Variants in DAB1 observed in about 807,000 individuals in gnomAD.
The protein encoded by DAB1 is disabled homolog 1.
Under a neutral mutation model 64.6 loss-of-function variants are expected in DAB1, and 15 were observed. The observed-to-expected ratio is 0.23, with a 90% CI of 0.16 to 0.36. DAB1 has a LOEUF of 0.36. Ranked by LOEUF, DAB1 falls within the 10% of genes least tolerant of loss-of-function variation. The probability of loss-of-function intolerance (pLI) is 1.00; values close to 1 mark genes in which losing one functional copy is unlikely to be tolerated. For synonymous variants in DAB1, 235 were observed against 251.9 expected (o/e 0.93, Z 0.64); for missense variants, 596 against 706.7 (o/e 0.84, Z 1.78).
intron 5 of DAB1, among the ~76,000 whole-genome samples, chr1:57,897,298 T>C (rs1398986553): frequency 1.3e-5 from 2 of 152,186 alleles, no homozygotes; most frequent in East Asian, 1.9e-4. Flanking sequence ...TGGGAAAATG[T>C]TTAATTATTT....
intron 6 of DAB1, among the ~76,000 whole-genome samples, chr1:57,673,025 C>T (rs1646526197): frequency 6.6e-6 from 1 of 152,088 alleles, no homozygotes. Flanking sequence ...GCTGCTTTAA[C>T]AAAATACCAT....
At chr1:58,038,425 A>AAGGAGAATGGCGTGAACCCG (rs1557621254) in intron 5 of DAB1, among the ~76,000 whole-genome samples, 3 of 152,204 alleles carry the variant, frequency 2.0e-5, no homozygotes, top group African/African-American at 7.2e-5. Flanking sequence ...ACAAACCTGT[A>AAGGAGAATGGCGTGAACCCG]GTACTATCTT....
At chr1:58,007,105 C>T (rs934123438) in intron 5 of DAB1, among the ~76,000 whole-genome samples, 2 of 152,196 alleles carry the variant, frequency 1.3e-5, no homozygotes, top group African/African-American at 4.8e-5. Flanking sequence ...CTGCTGCCCA[C>T]AATTCAAGCG....
intron 7 of DAB1, among the ~76,000 whole-genome samples, chr1:57,606,530 T>A (rs1645644221): frequency 8.5e-6 from 1 of 118,006 alleles, no homozygotes; most frequent in Non-Finnish European, 1.7e-5. Flanking sequence ...TAATATATAA[T>A]ATATATGAAA....
chr1:57,184,281 A>C (rs1046744295), intron 2 of DAB1, among the ~76,000 whole-genome samples: 2 of 152,200 alleles, frequency 1.3e-5, no homozygotes, highest in Admixed American at 1.3e-4. Context: ...GATTCAGGTC[A>C]AAGTGTATAA....
intron 7 of DAB1, among the ~76,000 whole-genome samples, chr1:57,486,265 C>G (rs1301828963): frequency 6.6e-6 from 1 of 152,192 alleles, no homozygotes. Context: ...AGCTTTGGTT[C>G]GGTCTATTTT....
chr1:57,428,254 T>A (rs538696365), upstream of DAB1, among the ~76,000 whole-genome samples: 2 of 152,274 alleles, frequency 1.3e-5, no homozygotes, highest in South Asian at 4.1e-4. Flanking sequence ...ATACATTAGA[T>A]CTCCAGAACT....
chr1:57,312,962 C>T (rs1241744408), intron 1 of DAB1, among the ~76,000 whole-genome samples: 1 of 152,118 alleles, frequency 6.6e-6, no homozygotes, highest in Non-Finnish European at 1.5e-5. Flanking sequence ...CACGGCAGCG[C>T]TTGCTCTCAT....
chr1:58,104,108 C>T (rs751602971), intron 5 of DAB1, among the ~76,000 whole-genome samples: 1 of 152,164 alleles, frequency 6.6e-6, no homozygotes, highest in Non-Finnish European at 1.5e-5. Context: ...GAAACCTGTC[C>T]CTGTTTCATC....
intron 5 of DAB1, among the ~76,000 whole-genome samples, chr1:57,942,922 T>C (rs573652408): frequency 1.2e-4 from 19 of 152,356 alleles, no homozygotes; most frequent in African/African-American, 4.6e-4. Flanking sequence ...AGTTATGGCC[T>C]ATTAATTAAT....
At chr1:57,118,300 A>G (rs575022648) in intron 4 of DAB1, among the ~76,000 whole-genome samples, 2 of 152,200 alleles carry the variant, frequency 1.3e-5, no homozygotes, top group African/African-American at 4.8e-5. Context: ...TGAAAGGAAA[A>G]GGAAGTATAG....
At chr1:57,667,148 T>C (rs912891718) in intron 6 of DAB1, among the ~76,000 whole-genome samples, 5 of 152,186 alleles carry the variant, frequency 3.3e-5, no homozygotes, top group Non-Finnish European at 1.5e-5. Flanking sequence ...AACAAATTCT[T>C]CCAGATAGTG....
At chr1:58,324,003 AAG>A (rs1471933419) in intron 4 of DAB1, among the ~76,000 whole-genome samples, 4 of 152,050 alleles carry the variant, frequency 2.6e-5, no homozygotes, top group Non-Finnish European at 1.5e-5. Context: ...AACAAGGAAA[AAG>A]AGTTACATTT....
intron 7 of DAB1, among the ~76,000 whole-genome samples, chr1:57,617,634 G>A (rs974061639): frequency 6.6e-6 from 1 of 152,100 alleles, no homozygotes; most frequent in African/African-American, 2.4e-5. Context: ...GACAAACCCT[G>A]AGCTAGAAGA....
At chr1:57,934,192 G>A (rs996287640) in intron 5 of DAB1, among the ~76,000 whole-genome samples, 8 of 151,872 alleles carry the variant, frequency 5.3e-5, no homozygotes, top group African/African-American at 1.9e-4. Flanking sequence ...CCCAAAGTGC[G>A]GGATTACAGG....
intron 1 of DAB1, among the ~76,000 whole-genome samples, chr1:57,322,014 T>C (rs144694481): frequency 1.3e-5 from 2 of 152,180 alleles, no homozygotes; most frequent in Admixed American, 6.5e-5. Flanking sequence ...GTCTTTCCGA[T>C]GTTGAGCCAA....
At chr1:58,257,417 C>T (rs72910488) in intron 4 of DAB1, among the ~76,000 whole-genome samples, 3,327 of 152,256 alleles carry the variant, frequency 0.022, 134 homozygotes, top group African/African-American at 0.076. Context: ...GGGTGTGGGG[C>T]TATGACTGCA....
intron 2 of DAB1, among the ~76,000 whole-genome samples, chr1:57,205,646 G>T (rs1156278107): frequency 1.3e-5 from 2 of 152,154 alleles, no homozygotes; most frequent in Non-Finnish European, 2.9e-5. Context: ...ACTAGGCTAG[G>T]TATTATTTCT....
chr1:57,140,296 T>G (rs957561875), intron 3 of DAB1, among the ~76,000 whole-genome samples: 1 of 152,140 alleles, frequency 6.6e-6, no homozygotes, highest in Non-Finnish European at 1.5e-5. Flanking sequence ...TATAATTTAG[T>G]CAATATCACA....
Sources: gnomAD v4.1 joint callset for allele counts (sites outside exome capture counted in the v4.1 genomes callset) on GRCh38, gnomAD v4.1.1 for gene constraint, MANE v1.5 for transcripts, NCBI Gene and HGNC (gene_info 2026-07-23, HGNC 2026-07-21) for gene names.